MLLT3: variants seen among roughly 807,000 people sequenced by gnomAD.
The protein encoded by MLLT3 is protein AF-9.
A neutral mutation model predicts 53.2 loss-of-function variants in MLLT3; 4 were observed. That is an observed-to-expected ratio of 0.08 (90% CI 0.04 to 0.17). The LOEUF (loss-of-function observed/expected upper bound fraction) is 0.17, where lower values mean the gene tolerates loss of function less well. Among genes scored for constraint, MLLT3 ranks in the 10% least tolerant of loss-of-function variants. The pLI, the probability that MLLT3 is intolerant of heterozygous loss-of-function variation, is 1.00. For missense variants in MLLT3, 569 were observed against 684.0 expected, an observed-to-expected ratio of 0.83 and a Z score of 1.87; for synonymous variants, 283 against 230.6, an observed-to-expected ratio of 1.23 and a Z score of -2.06.
intron 2 of MLLT3, among the ~76,000 whole-genome samples, chr9:20,462,951 G>C (rs967772959): frequency 6.6e-6 from 1 of 152,098 alleles, no homozygotes; most frequent in Non-Finnish European, 1.5e-5. Context: ...AATATAATGA[G>C]ACAGTCGGTA....
chr9:20,585,157 A>G (rs1226005994), intron 2 of MLLT3, among the ~76,000 whole-genome samples: 1 of 152,170 alleles, frequency 6.6e-6, no homozygotes, highest in Non-Finnish European at 1.5e-5. Flanking sequence ...TAAAGGGGCC[A>G]ACTGATTCTG....
At chr9:20,421,437 G>A (rs1200107738) in intron 4 of MLLT3, among the ~76,000 whole-genome samples, 3 of 152,042 alleles carry the variant, frequency 2.0e-5, no homozygotes, top group Non-Finnish European at 4.4e-5. Flanking sequence ...AAGGAGAAGA[G>A]AGAAACCAAG....
At chr9:20,359,825 T>C (rs1821271449) in intron 8 of MLLT3, among the ~76,000 whole-genome samples, 1 of 152,202 alleles carries the variant, frequency 6.6e-6, no homozygotes, top group Non-Finnish European at 1.5e-5. Flanking sequence ...TAAGCAGTTA[T>C]TGTAGAGGTC....
intron 4 of MLLT3, among the ~76,000 whole-genome samples, chr9:20,434,802 T>C (rs1823362773): frequency 6.6e-6 from 1 of 152,008 alleles, no homozygotes; most frequent in South Asian, 2.1e-4. Context: ...TCTGAAGCCT[T>C]CAGTTCATCT....
At chr9:20,394,743 CTCTT>C (rs902753561) in intron 5 of MLLT3, among the ~76,000 whole-genome samples, 14 of 152,060 alleles carry the variant, frequency 9.2e-5, no homozygotes, top group Non-Finnish European at 1.8e-4. Flanking sequence ...TATTTTTAAA[CTCTT>C]TCTCAGAAAA....
chr9:20,367,001 C>G (rs912669689), intron 5 of MLLT3, among the ~76,000 whole-genome samples: 6 of 152,230 alleles, frequency 3.9e-5, no homozygotes, highest in Non-Finnish European at 7.3e-5. Context: ...GGCCATGACC[C>G]AACCCTAACC....
chr9:20,461,315 C>A (rs889381639), intron 2 of MLLT3, among the ~76,000 whole-genome samples: 3 of 151,844 alleles, frequency 2.0e-5, no homozygotes, highest in African/African-American at 7.3e-5. Context: ...TGACCAATAA[C>A]CTATTTAATT....
At chr9:20,376,533 T>C (rs1821770131) in intron 5 of MLLT3, among the ~76,000 whole-genome samples, 1 of 152,212 alleles carries the variant, frequency 6.6e-6, no homozygotes, top group South Asian at 2.1e-4. Flanking sequence ...TCTTCATTAT[T>C]ATCATTACCT....
chr9:20,542,314 A>T (rs150342869), intron 2 of MLLT3, among the ~76,000 whole-genome samples: 1 of 146,324 alleles, frequency 6.8e-6, no homozygotes, highest in Non-Finnish European at 1.5e-5. Flanking sequence ...GCAGTGGCGC[A>T]ATCTCGGCTC....
At chr9:20,536,496 A>G (rs1818489430) in intron 2 of MLLT3, among the ~76,000 whole-genome samples, 1 of 152,194 alleles carries the variant, frequency 6.6e-6, no homozygotes, top group Non-Finnish European at 1.5e-5. Context: ...ATAAAAACCA[A>G]TATGCAATGC....
chr9:20,490,999 A>G (rs1196725600), intron 2 of MLLT3, among the ~76,000 whole-genome samples: 1 of 152,196 alleles, frequency 6.6e-6, no homozygotes, highest in Non-Finnish European at 1.5e-5. Context: ...CTCAACAGGG[A>G]AATACTTTCA....
chr9:20,539,543 G>A (rs1395233405), intron 2 of MLLT3, among the ~76,000 whole-genome samples: 1 of 152,164 alleles, frequency 6.6e-6, no homozygotes, highest in East Asian at 1.9e-4. Context: ...AACAAGGGGA[G>A]AAGTGCCACA....
In MLLT3 at chr9:20,363,604, A is replaced by T. The variant is rs201492075; in HGVS notation, c.1203T>A (p.Gly401=). 6.2e-7 allele frequency: 1 copy of T among 1,613,334 alleles called. No homozygotes were observed. Among genetic ancestry groups the T allele is most frequent in the Non-Finnish European group, 8.5e-7 (1 of 1,179,886 alleles). The change falls in exon 7 of 11, where the codon GGT becomes GGA. Residue 401 remains glycine, a splice_region_variant and synonymous_variant. Transcript: ENST00000380338. ...GATCTTTCATTATAGACCTCAAAGG[A>T]CCTGAGTAATGACAATGAACCACAG... ...SFTPSQTRQQ[G]PLRSIMKDLH...
intron 2 of MLLT3, among the ~76,000 whole-genome samples, chr9:20,587,395 T>C (rs998542630): frequency 1.3e-5 from 2 of 152,160 alleles, no homozygotes; most frequent in African/African-American, 2.4e-5. Context: ...CTCTTGGAAG[T>C]GACGGAAACT....
intron 2 of MLLT3, chr9:20,502,299 A>G (rs537518265): frequency 6.5e-6 from 1 of 154,288 alleles, no homozygotes; most frequent in East Asian, 1.9e-4. Context: ...CCAGCCACAA[A>G]GAGCCATATT....
intron 2 of MLLT3, among the ~76,000 whole-genome samples, chr9:20,535,123 A>C (rs1175697887): frequency 6.6e-6 from 1 of 152,092 alleles, no homozygotes; most frequent in Non-Finnish European, 1.5e-5. Context: ...GCGGCAGGTG[A>C]GCTAGCGTTA....
intron 2 of MLLT3, among the ~76,000 whole-genome samples, chr9:20,539,562 C>A (rs1818571372): frequency 6.6e-6 from 1 of 152,158 alleles, no homozygotes; most frequent in African/African-American, 2.4e-5. Context: ...CACTTTTAAA[C>A]CATCAATTCT....
intron 5 of MLLT3, among the ~76,000 whole-genome samples, chr9:20,380,777 A>G (rs1188780705): frequency 6.6e-6 from 1 of 152,038 alleles, no homozygotes; most frequent in Non-Finnish European, 1.5e-5. Context: ...TCTTAGGAAC[A>G]ATGTGAAATG....
chr9:20,430,360 T>C (rs574818840), intron 4 of MLLT3, among the ~76,000 whole-genome samples: 2 of 152,294 alleles, frequency 1.3e-5, no homozygotes, highest in East Asian at 1.9e-4. Flanking sequence ...TGTTACATTA[T>C]ATAGCCAACC....
Sources: gnomAD v4.1 joint callset for allele counts (sites outside exome capture counted in the v4.1 genomes callset) on GRCh38, gnomAD v4.1.1 for gene constraint, MANE v1.5 for transcripts, NCBI Gene and HGNC (gene_info 2026-07-23, HGNC 2026-07-21) for gene names.